Variants in PDE1C observed in about 807,000 individuals in gnomAD.
PDE1C encodes dual specificity calcium/calmodulin-dependent 3',5'-cyclic nucleotide phosphodiesterase 1C.
In PDE1C, 62 loss-of-function variants were observed where a neutral mutation model predicts 93.1. That is an observed-to-expected ratio of 0.67 (90% CI 0.54 to 0.82). The LOEUF (loss-of-function observed/expected upper bound fraction) is 0.82. PDE1C is among the 40% of genes least tolerant of loss of function. The pLI is 0.00. For missense variants in PDE1C, 742 were observed against 884.6 expected (o/e 0.84, Z 2.04); for synonymous variants, 325 against 310.1 (o/e 1.05, Z -0.50).
At chr7:31,623,662 A>T in the PDE1C span, among the ~76,000 whole-genome samples, 1 of 108,876 alleles carries the variant, frequency 9.2e-6, no homozygotes, top group Admixed American at 1.0e-4. Flanking sequence ...TGAATGGGGA[A>T]AAACTGGAAG....
At chr7:32,389,132 G>C (rs1784698142) in intron 1 of PDE1C, among the ~76,000 whole-genome samples, 1 of 147,964 alleles carries the variant, frequency 6.8e-6, no homozygotes, top group African/African-American at 2.5e-5. Context: ...ATCTACAGTG[G>C]AACAACCTTT....
upstream of PDE1C, among the ~76,000 whole-genome samples, chr7:32,302,551 T>A (rs2128902461): frequency 6.6e-6 from 1 of 152,316 alleles, no homozygotes; most frequent in Non-Finnish European, 1.5e-5. Flanking sequence ...TCTGGCAGGA[T>A]GCTCCTCTGA....
At chr7:31,890,032 G>A (rs996762905) in intron 2 of PDE1C, among the ~76,000 whole-genome samples, 9 of 152,022 alleles carry the variant, frequency 5.9e-5, no homozygotes, top group East Asian at 1.9e-4. Flanking sequence ...AAAATCTTTC[G>A]TGAAGGTAAA....
At chr7:31,687,982 G>C in the PDE1C span, among the ~76,000 whole-genome samples, 1 of 152,170 alleles carries the variant, frequency 6.6e-6, no homozygotes, top group African/African-American at 2.4e-5. Context: ...AAATGGGTTG[G>C]TTTTTGTCTT....
chr7:31,621,104 A>C, the PDE1C span, among the ~76,000 whole-genome samples: 1 of 152,086 alleles, frequency 6.6e-6, no homozygotes, highest in Middle Eastern at 3.2e-3. Context: ...ATATGGGACT[A>C]TGTGAAAAGA....
intron 17 of PDE1C, among the ~76,000 whole-genome samples, chr7:31,766,922 T>C (rs1334267550): frequency 6.6e-6 from 1 of 152,262 alleles, no homozygotes; most frequent in Non-Finnish European, 1.5e-5. Flanking sequence ...TTTCTTTTAC[T>C]ATGCATTAGC....
intron 16 of PDE1C, among the ~76,000 whole-genome samples, chr7:31,778,656 T>C (rs1030758576): frequency 3.3e-5 from 5 of 152,210 alleles, no homozygotes; most frequent in Non-Finnish European, 5.9e-5. Flanking sequence ...AGAGATGTGG[T>C]TCCCAATTTG....
At chr7:31,947,301 A>G (rs760325352) in intron 2 of PDE1C, among the ~76,000 whole-genome samples, 6 of 152,232 alleles carry the variant, frequency 3.9e-5, no homozygotes, top group Non-Finnish European at 7.3e-5. Context: ...TACTGACTTA[A>G]ATGTTAATCT....
chr7:32,274,801 T>C (rs1344582422), intron 1 of PDE1C, among the ~76,000 whole-genome samples: 1 of 152,190 alleles, frequency 6.6e-6, no homozygotes, highest in Admixed American at 6.5e-5. Flanking sequence ...TATTCCAAGA[T>C]GAATCAGAAA....
At chr7:31,892,817 G>A (rs768619315) in intron 2 of PDE1C, among the ~76,000 whole-genome samples, 13 of 152,150 alleles carry the variant, frequency 8.5e-5, no homozygotes, top group Non-Finnish European at 1.3e-4. Flanking sequence ...CAGTTACACA[G>A]AAGGAATAAG....
chr7:32,013,128 G>A (rs1422322372), intron 2 of PDE1C, among the ~76,000 whole-genome samples: 1 of 152,184 alleles, frequency 6.6e-6, no homozygotes, highest in South Asian at 2.1e-4. Flanking sequence ...GTTTCAGATA[G>A]TGTTAATATA....
intron 2 of PDE1C, among the ~76,000 whole-genome samples, chr7:31,981,528 AT>A (rs1175189913): frequency 6.6e-6 from 1 of 152,196 alleles, no homozygotes; most frequent in African/African-American, 2.4e-5. Context: ...ATCTCCCTGG[AT>A]TTTCATCATT....
intron 1 of PDE1C, among the ~76,000 whole-genome samples, chr7:32,315,099 T>C (rs1192309045): frequency 6.7e-6 from 1 of 149,570 alleles, no homozygotes; most frequent in Non-Finnish European, 1.5e-5. Context: ...GAACAAAATG[T>C]TAAGGAAAAA....
chr7:32,001,152 T>C (rs1267368899), intron 2 of PDE1C, among the ~76,000 whole-genome samples: 1 of 152,170 alleles, frequency 6.6e-6, no homozygotes, highest in East Asian at 1.9e-4. Flanking sequence ...TCTTAAAGAA[T>C]ACAGAAGAAA....
chr7:32,313,757 G>T (rs571634724), intron 1 of PDE1C, among the ~76,000 whole-genome samples: 62 of 145,074 alleles, frequency 4.3e-4, no homozygotes, highest in African/African-American at 1.4e-3. Flanking sequence ...CTGTCATGAG[G>T]TGGGGGGGAG....
At chr7:31,864,475 A>T (rs1350185108) in intron 7 of PDE1C, among the ~76,000 whole-genome samples, 1 of 152,256 alleles carries the variant, frequency 6.6e-6, no homozygotes, top group African/African-American at 2.4e-5. Context: ...GGTTAAAATA[A>T]TGAAAGGCAT....
the PDE1C span, among the ~76,000 whole-genome samples, chr7:31,720,415 G>C: frequency 6.6e-6 from 1 of 152,114 alleles, no homozygotes; most frequent in Non-Finnish European, 1.5e-5. Flanking sequence ...CATCGTAAGC[G>C]TCTCTGCTCA....
chr7:32,124,738 A>C (rs1799478623), intron 3 of PDE1C, among the ~76,000 whole-genome samples: 1 of 152,222 alleles, frequency 6.6e-6, no homozygotes, highest in African/African-American at 2.4e-5. Context: ...GATGGACTAA[A>C]GACTTAAGTG....
chr7:31,822,496 C>T (rs1431237350), intron 14 of PDE1C, among the ~76,000 whole-genome samples: 1 of 152,074 alleles, frequency 6.6e-6, no homozygotes, highest in African/African-American at 2.4e-5. Context: ...GTTGATAGTA[C>T]CAAGGGCCAC....
Sources: allele counts gnomAD v4.1 joint callset (sites outside exome capture counted in the v4.1 genomes callset), GRCh38; gene constraint gnomAD v4.1.1; transcripts MANE v1.5; gene names NCBI Gene and HGNC (gene_info 2026-07-23, HGNC 2026-07-21).